Variants in SLC19A3 observed in about 807,000 individuals in gnomAD.
SLC19A3 encodes the protein thiamine transporter 2.
Under a neutral mutation model 40.2 loss-of-function variants are expected in SLC19A3, and 31 were observed. That is an observed-to-expected ratio of 0.77 (90% CI 0.58 to 1.04). The LOEUF is 1.04. Among genes scored for constraint, SLC19A3 ranks in the 50% least tolerant of loss-of-function variants. The pLI, the probability that SLC19A3 is intolerant of heterozygous loss-of-function variation, is 0.00. For missense variants in SLC19A3, 592 were observed against 596.7 expected, an observed-to-expected ratio of 0.99 and a Z score of 0.08; for synonymous variants, 212 against 227.5, an observed-to-expected ratio of 0.93 and a Z score of 0.61.
At chr2:227,687,995 T>C (rs1366877569) in intron 5 of SLC19A3, among the ~76,000 whole-genome samples, 171 bp downstream of exon 5, 2 of 152,244 alleles carry the variant, frequency 1.3e-5, no homozygotes, top group Non-Finnish European at 2.9e-5. Flanking sequence ...AATGTTGTCC[T>C]AGTTGCAATT....
rs1201780335 is a variant in SLC19A3, at chr2:227,687,476, T to C, written c.1412A>G (p.Gln471Arg). ...TGGATTCTCACTTGGAGCAGGGCTC[T>C]GTACATCCTTCTGGGATTTGGTTGA... ...TYSTKSQKDV[Q>R]SPAPSENPDV... Residue 471 changes from glutamine to arginine, a missense_variant, in exon 6 of 6, where the codon CAG becomes CGG. By Grantham distance (43) the Gln-to-Arg change is conservative (BLOSUM62 1). Transcript: ENST00000644224. 9.3e-6 allele frequency: 15 copies of C among 1,614,050 alleles called. No individual in the cohort carries two copies. Among genetic ancestry groups the C allele is most frequent in the East Asian group, 4.5e-5 (2 of 44,892 alleles).
chr2:227,691,493 C>G (rs1695227481), intron 4 of SLC19A3, among the ~76,000 whole-genome samples: 1 of 152,070 alleles, frequency 6.6e-6, no homozygotes, highest in South Asian at 2.1e-4. Context: ...TTTGTGATCC[C>G]AGCTTCTCAG....
At chr2:227,701,638 A>C (rs1209746878) in intron 2 of SLC19A3, 1 of 64,186 alleles carries the variant, frequency 1.6e-5, no homozygotes, top group Non-Finnish European at 3.3e-5. Context: ...AAACAATTAA[A>C]AAAAAAAAAA....
In SLC19A3 at chr2:227,703,416, A is replaced by G. The variant is rs577868337; in HGVS notation, c.-2-1096T>C. Among the ~76,000 whole-genome samples, 9 of 152,220 alleles carry G rather than the reference A, an allele frequency of 5.9e-5. No individual in the cohort carries two copies. In the South Asian group the frequency reaches 1.9e-3, roughly 32 times the overall value. ...ACTCACCCTACCCTTTCCCAAGGTG[A>G]CCCCGACAGCTGCATAATTCCTCTC... On this transcript the variant is annotated intron_variant, in intron 1 of 5. Transcript: ENST00000644224. The surrounding 1 kb of genome is among the most constrained non-coding windows in gnomAD (Gnocchi z 4.7).
intron 1 of SLC19A3, among the ~76,000 whole-genome samples, chr2:227,712,818 A>T (rs1380980350): frequency 4.2e-5 from 1 of 23,842 alleles, no homozygotes; most frequent in African/African-American, 4.6e-5. Context: ...AGACACAAAA[A>T]AATGTATGAT....
rs1471993364 is a variant in SLC19A3 at position 227,686,980 on chromosome 2, G to C, written c.*417C>G. ...AAAGGTCCCATGTGTTGACTTCTTT[G>C]GTAAGATCAAATAAGTATTTAAGCC... On this transcript the variant is annotated 3_prime_UTR_variant, in exon 6 of 6. Transcript: ENST00000644224. 6.3e-6 allele frequency: 1 copy of C among 157,500 alleles called. No homozygotes were observed. Among genetic ancestry groups the C allele is most frequent in the Non-Finnish European group, 1.4e-5 (1 of 71,452 alleles). 9.8% of individuals were successfully genotyped at this position (157,500 alleles called of 1,614,324 possible). A position where few individuals can be genotyped will look rare whatever the true frequency, so the allele number is the denominator to read the frequency against.
intron 4 of SLC19A3, among the ~76,000 whole-genome samples, chr2:227,695,207 C>T (rs1044445090): frequency 6.6e-5 from 10 of 152,270 alleles, no homozygotes; most frequent in African/African-American, 2.4e-4. Context: ...TAGAATTTCT[C>T]AAGCAAACAA....
chr2:227,685,744 T>A lies in SLC19A3; in HGVS notation c.*1653A>T, dbSNP rs2106315456. 6.5e-6 allele frequency: 1 copy of A among 153,374 alleles called. No homozygotes were observed. Among genetic ancestry groups the A allele is most frequent in the Non-Finnish European group, 1.5e-5 (1 of 68,734 alleles). The allele number at this position is 153,374 out of a possible 1,614,324, so 9.5% of individuals were successfully genotyped here. A position where few individuals can be genotyped will look rare whatever the true frequency, so the allele number is the denominator to read the frequency against. ...TAAATCTTGACTCAGCATTCTTTAT[T>A]CTCACTGTCAGACTGCTCAATGCAT... On this transcript the variant is annotated 3_prime_UTR_variant, in exon 6 of 6. Coordinates refer to ENST00000644224, the MANE Select transcript of SLC19A3 (RefSeq NM_025243.4).
At position 227,686,149 on chromosome 2, in the gene SLC19A3, A is replaced by G; in HGVS notation, c.*1248T>C. The G allele has an allele frequency of 2.2e-6, 1 of 448,056 alleles. No individual in the cohort carries two copies. Among genetic ancestry groups the G allele is most frequent in the Non-Finnish European group, 4.5e-6 (1 of 223,038 alleles). The allele number at this position is 448,056 out of a possible 1,614,324, so 27.8% of individuals were successfully genotyped here. A position where few individuals can be genotyped will look rare whatever the true frequency, so the allele number is the denominator to read the frequency against. ...GAGGTGAAGTTTGCAGTGAGCCAAG[A>G]TCACGCCATTGCATTCCAGCCTGGG... On this transcript the variant is annotated 3_prime_UTR_variant, in exon 6 of 6. Transcript: ENST00000644224.
intron 2 of SLC19A3, 25 bp from the exon 3 acceptor site, chr2:227,699,589 C>A (rs368102953): frequency 6.3e-7 from 1 of 1,588,776 alleles, no homozygotes; most frequent in Non-Finnish European, 8.6e-7. Flanking sequence ...AATTGCATGA[C>A]CACGAAGCAC....
At chr2:227,702,863 A>C (rs1241100341) in intron 1 of SLC19A3, 2 of 160,742 alleles carry the variant, frequency 1.2e-5, no homozygotes, top group Non-Finnish European at 2.7e-5. Flanking sequence ...ATGGTCCTGC[A>C]TGTGGCTAAG....
intron 1 of SLC19A3, among the ~76,000 whole-genome samples, chr2:227,704,504 G>A (rs575614419): frequency 9.2e-5 from 14 of 152,324 alleles, no homozygotes; most frequent in African/African-American, 2.9e-4. Context: ...GGGAAATGGA[G>A]GACTAAAGGT....
chr2:227,695,827 G>A, intron 4 of SLC19A3, 62 bp downstream of exon 4: 1 of 1,523,462 alleles, frequency 6.6e-7, no homozygotes, highest in East Asian at 2.2e-5. Flanking sequence ...CTTAGAGAAA[G>A]TTTAGAAAGA....
chr2:227,715,649 T>A (rs193226321), intron 1 of SLC19A3, among the ~76,000 whole-genome samples: 13 of 152,298 alleles, frequency 8.5e-5, no homozygotes, highest in Admixed American at 7.8e-4. Context: ...TTCTGTTATG[T>A]CTATGTTCAG....
chr2:227,689,759 G>C (rs1027331194), intron 4 of SLC19A3, among the ~76,000 whole-genome samples: 3 of 152,124 alleles, frequency 2.0e-5, no homozygotes, highest in African/African-American at 7.2e-5. Context: ...TAAGTAGAAA[G>C]ACTAAAAGAT....
chr2:227,695,284 A>C (rs1695381716), intron 4 of SLC19A3, among the ~76,000 whole-genome samples: 1 of 152,200 alleles, frequency 6.6e-6, no homozygotes, highest in Non-Finnish European at 1.5e-5. Context: ...TTATGTAGAA[A>C]GTTGCTGGAA....
chr2:227,695,726 T>C, intron 4 of SLC19A3, 163 bp downstream of exon 4: 8 of 688,794 alleles, frequency 1.2e-5, no homozygotes, highest in South Asian at 3.5e-5. Context: ...AGAGAGCAAA[T>C]AGTTAAATGA....
intron 3 of SLC19A3, 52 bp downstream of exon 3, chr2:227,698,684 T>A: frequency 6.7e-7 from 1 of 1,492,892 alleles, no homozygotes. Context: ...CCTGGAGGAA[T>A]GGACTTAAGC....
In SLC19A3 at chr2:227,686,717, G is replaced by C. The variant is rs2106316433; in HGVS notation, c.*680C>G. ...CCTTGTGTATTCTGCAAATACACAA[G>C]AGGATCTGAAGCTATTCTTGAGGGA... On this transcript the variant is annotated 3_prime_UTR_variant, in exon 6 of 6. Coordinates refer to ENST00000644224, the MANE Select transcript of SLC19A3 (RefSeq NM_025243.4). The C allele has an allele frequency of 6.6e-6, 1 of 152,308 alleles. No individual in the cohort carries two copies. The highest frequency in any genetic ancestry group is 2.1e-4 in the South Asian group (1 of 4,830). The allele number at this position is 152,308 out of a possible 1,614,324, so 9.4% of individuals were successfully genotyped here.
Sources: gnomAD v4.1 joint callset for allele counts (sites outside exome capture counted in the v4.1 genomes callset) on GRCh38, gnomAD v4.1.1 for gene constraint, Gnocchi (gnomAD v3.1) non-coding constraint, MANE v1.5 for transcripts, NCBI Gene and HGNC (gene_info 2026-07-23, HGNC 2026-07-21) for gene names.